The following UNC13C variants were observed in gnomAD, a reference collection of about 807,000 sequenced individuals.
The protein encoded by UNC13C is unc-13 homolog C.
A neutral mutation model predicts 245.4 loss-of-function variants in UNC13C; 174 were observed. The observed-to-expected ratio is 0.71, with a 90% CI of 0.63 to 0.80. The LOEUF (loss-of-function observed/expected upper bound fraction) is 0.80, where lower values mean the gene tolerates loss of function less well. UNC13C is among the 30% of genes least tolerant of loss of function. UNC13C has a pLI of 0.00. For synonymous variants in UNC13C, 992 were observed against 895.1 expected (o/e 1.11, Z -1.93); for missense variants, 2,829 against 2,602.9 (o/e 1.09, Z -1.89).
intron 19 of UNC13C, among the ~76,000 whole-genome samples, chr15:54,462,862 AG>A (rs1378783714): frequency 1.3e-5 from 2 of 152,174 alleles, no homozygotes; most frequent in African/African-American, 4.8e-5. Flanking sequence ...ACTGGCAGGC[AG>A]CTCCACCCAT....
chr15:53,864,880 A>G, the UNC13C span, among the ~76,000 whole-genome samples: 4 of 152,206 alleles, frequency 2.6e-5, no homozygotes, highest in Non-Finnish European at 5.9e-5. Flanking sequence ...GGTAGAGAGA[A>G]AAGTAAATAT....
intron 19 of UNC13C, among the ~76,000 whole-genome samples, chr15:54,446,810 A>T (rs1380882748): frequency 1.3e-5 from 2 of 152,198 alleles, no homozygotes; most frequent in African/African-American, 4.8e-5. Context: ...TGCCCTGGCC[A>T]GAACTTCCAA....
chr15:54,540,931 T>C (rs1896216836), intron 26 of UNC13C, among the ~76,000 whole-genome samples: 1 of 152,022 alleles, frequency 6.6e-6, no homozygotes, highest in Non-Finnish European at 1.5e-5. Context: ...AGTTGTTGTG[T>C]CTCCAATCAT....
At chr15:54,088,488 G>A (rs143074386) in intron 2 of UNC13C, among the ~76,000 whole-genome samples, 72 of 152,156 alleles carry the variant, frequency 4.7e-4, no homozygotes, top group East Asian at 3.7e-3. Flanking sequence ...ATCGGATGGC[G>A]GTTCTGCTGA....
At chr15:54,437,742 G>T (rs1188945315) in intron 19 of UNC13C, among the ~76,000 whole-genome samples, 1 of 151,884 alleles carries the variant, frequency 6.6e-6, no homozygotes, top group African/African-American at 2.4e-5. Flanking sequence ...CAGGTGGTTA[G>T]AACACAGACG....
intron 19 of UNC13C, among the ~76,000 whole-genome samples, chr15:54,415,444 G>A (rs1296268838): frequency 2.0e-5 from 3 of 152,046 alleles, no homozygotes; most frequent in Admixed American, 1.3e-4. Flanking sequence ...ACCAGGAGGC[G>A]GGTCAAAATC....
chr15:54,512,137 A>G (rs10152950), intron 24 of UNC13C, among the ~76,000 whole-genome samples: 4,980 of 152,234 alleles, frequency 0.033, 275 homozygotes, highest in African/African-American at 0.12. Flanking sequence ...ATGACTTGTA[A>G]AATTCCACAA....
chr15:53,881,594 G>A, the UNC13C span, among the ~76,000 whole-genome samples: 1 of 152,216 alleles, frequency 6.6e-6, no homozygotes, highest in South Asian at 2.1e-4. Context: ...TTGTCCAGTG[G>A]TGGACACCTG....
intron 17 of UNC13C, among the ~76,000 whole-genome samples, chr15:54,371,238 G>A (rs753057807): frequency 6.6e-5 from 10 of 152,250 alleles, no homozygotes; most frequent in Non-Finnish European, 1.0e-4. Context: ...CGGCTTCTAA[G>A]AGATCAACTT....
At chr15:54,533,474 A>G (rs1467304095) in intron 26 of UNC13C, among the ~76,000 whole-genome samples, 3 of 152,330 alleles carry the variant, frequency 2.0e-5, no homozygotes, top group South Asian at 4.1e-4. Flanking sequence ...TAGCACAAAT[A>G]TGACTAGAAT....
rs1295942605 is a variant in UNC13C, at chr15:54,089,778, A to T, written c.2984-53240A>T. ...TACTCTCTGGAGAGAAATTTTAAAG[A>T]TACACATGTAAAGTAACTCAGAAAT... On this transcript the variant is annotated intron_variant, in intron 2 of 32. Transcript: ENST00000260323. 2.0e-5 allele frequency among the ~76,000 whole-genome samples: 3 copies of T among 151,964 alleles called. No homozygotes were observed. In the East Asian group the frequency reaches 5.8e-4, roughly 29 times the overall value.
intron 2 of UNC13C, among the ~76,000 whole-genome samples, chr15:54,064,118 G>C (rs995845427): frequency 2.7e-5 from 4 of 150,036 alleles, no homozygotes; most frequent in Admixed American, 2.7e-4. Flanking sequence ...GTCACATTTT[G>C]TGTCTAGCTT....
chr15:54,491,176 T>C (rs1313298001), intron 19 of UNC13C, among the ~76,000 whole-genome samples: 4 of 152,230 alleles, frequency 2.6e-5, no homozygotes, highest in African/African-American at 9.6e-5. Flanking sequence ...CTTTTTTCTT[T>C]AGCATTCTCT....
At chr15:54,604,663 C>T (rs1286101493) in intron 30 of UNC13C, among the ~76,000 whole-genome samples, 3 of 152,200 alleles carry the variant, frequency 2.0e-5, no homozygotes, top group Admixed American at 2.0e-4. Flanking sequence ...TCCTCTAAGA[C>T]CTCTTTATTT....
At chr15:53,939,344 A>G in the UNC13C span, among the ~76,000 whole-genome samples, 2 of 152,254 alleles carry the variant, frequency 1.3e-5, no homozygotes, top group East Asian at 1.9e-4. Flanking sequence ...AGGCAGTAAT[A>G]AATACTCTAC....
At chr15:54,292,816 T>C (rs1441607666) in intron 10 of UNC13C, among the ~76,000 whole-genome samples, 1 of 150,628 alleles carries the variant, frequency 6.6e-6, no homozygotes, top group African/African-American at 2.4e-5. Flanking sequence ...TTGTTGCCTA[T>C]ATTCATAATT....
In UNC13C at chr15:54,013,935, T is replaced by A. The variant is rs371029211; in HGVS notation, c.1032T>A (p.Asp344Glu). 112 of 1,613,282 alleles carry A rather than the reference T, an allele frequency of 6.9e-5. No homozygotes were observed. In the African/African-American group the frequency reaches 1.2e-3, roughly 18 times the overall value. ...VESVVYQILI[D>E]KMGFSDAPNA... ...GCGTGGTGTACCAAATTCTAATAGA[T>A]AAAATGGGTTTTTCAGATGCACCAA... is the stretch of plus-strand genomic sequence containing the variant. The change falls in exon 2 of 33, where the codon GAT becomes GAA. Residue 344 changes from aspartate to glutamate, a missense_variant. Physicochemically the swap from Asp to Glu is conservative, Grantham distance 45 (BLOSUM62 2). Transcript: ENST00000260323.
At position 54,013,758 on chromosome 15, in the gene UNC13C, A is replaced by G. The variant is rs1895498760; in HGVS notation, c.855A>G (p.Gln285=). 4 of 1,611,130 alleles carry G rather than the reference A, an allele frequency of 2.5e-6. No individual in the cohort carries two copies. Among genetic ancestry groups the G allele is most frequent in the Non-Finnish European group, 3.4e-6 (4 of 1,178,722 alleles). The part of the protein sequence containing the change: ...DEISSSVEVV[Q]SEIEQLRTGF... The stretch of plus-strand genomic sequence containing the variant: ...TCTCCAGCAGTGTGGAGGTTGTACA[A>G]AGTGAAATTGAGCAGTTGCGCACAG... The change falls in exon 2 of 33, where the codon CAA becomes CAG. Residue 285 remains glutamine (Q), a synonymous_variant. Transcript: ENST00000260323.
intron 18 of UNC13C, among the ~76,000 whole-genome samples, chr15:54,393,826 G>A (rs1228757697): frequency 6.6e-6 from 1 of 151,616 alleles, no homozygotes; most frequent in Non-Finnish European, 1.5e-5. Context: ...CTAAAATAAA[G>A]GTGTTATTAT....
Sources: gnomAD v4.1 joint callset for allele counts (sites outside exome capture counted in the v4.1 genomes callset) on GRCh38, gnomAD v4.1.1 for gene constraint, MANE v1.5 for transcripts, NCBI Gene and HGNC (gene_info 2026-07-23, HGNC 2026-07-21) for gene names.